The following STK4 variants were observed in gnomAD, a reference collection of about 807,000 sequenced individuals.
STK4 encodes serine/threonine kinase 4, also known as serine/threonine-protein kinase 4.
STK4 carries 30 observed loss-of-function variants against 64.9 expected under a neutral mutation model. The observed-to-expected ratio is 0.46, with a 90% CI of 0.35 to 0.63. The LOEUF is 0.63. Among genes scored for constraint, STK4 ranks in the 20% least tolerant of loss-of-function variants. The probability of loss-of-function intolerance (pLI) is 0.01; values close to 1 mark genes in which losing one functional copy is unlikely to be tolerated. For synonymous variants in STK4, 177 were observed against 199.0 expected, an observed-to-expected ratio of 0.89 and a Z score of 0.93; for missense variants, 466 against 598.5, an observed-to-expected ratio of 0.78 and a Z score of 2.31.
intron 1 of STK4, chr20:44,967,354 G>A (rs533315233): frequency 2.0e-5 from 10 of 505,496 alleles, no homozygotes; most frequent in African/African-American, 1.9e-4. Flanking sequence ...TCTTTACTCC[G>A]GGTCACTGAA....
chr20:45,038,240 G>C (rs369499260), intron 10 of STK4, among the ~76,000 whole-genome samples: 1 of 152,108 alleles, frequency 6.6e-6, no homozygotes, highest in East Asian at 1.9e-4. Flanking sequence ...CACACTGCTT[G>C]ATTGTTTTGA....
At chr20:44,997,349 C>G (rs1468592887) in intron 7 of STK4, 43 bp downstream of exon 7, 6 of 1,544,598 alleles carry the variant, frequency 3.9e-6, no homozygotes, top group Non-Finnish European at 5.2e-6. Context: ...ATTTCATTTA[C>G]TTGCTGACCA....
chr20:44,987,153 A>C lies in STK4; in HGVS notation c.382A>C (p.Thr128Pro), dbSNP rs764924378. The C allele has an allele frequency of 6.3e-7, 1 of 1,595,882 alleles. No individual in the cohort carries two copies. The highest frequency in any genetic ancestry group is 1.1e-5 in the South Asian group (1 of 87,948). Residue 128 changes from threonine (T) to proline (P), a missense_variant, in exon 5 of 11, where the codon ACA (threonine) becomes CCA (proline). Thr to Pro is a conservative substitution (Grantham distance 38, BLOSUM62 -1). This residue lies in a region of STK4 where 190 missense variants were observed against 289.7 expected (regional missense o/e 0.66). Transcript: ENST00000372806. ...NKTLTEDEIA[T>P]ILQSTLKGLE... is the part of the protein sequence containing the mutation. ...TCAGTTAACAGAAGATGAAATAGCTACAATATTACAATCAACTCTTAAGGG... is the reference window on the plus strand; with the variant it reads ...TCAGTTAACAGAAGATGAAATAGCTCCAATATTACAATCAACTCTTAAGGG...
intron 5 of STK4, among the ~76,000 whole-genome samples, chr20:44,994,275 A>G (rs1601223628): frequency 6.6e-6 from 1 of 151,266 alleles, no homozygotes; most frequent in African/African-American, 2.4e-5. Context: ...AGATATAATT[A>G]ATGGTTTGGT....
chr20:45,063,469 C>G (rs1401586746), intron 10 of STK4, among the ~76,000 whole-genome samples: 1 of 152,114 alleles, frequency 6.6e-6, no homozygotes, highest in East Asian at 1.9e-4. Flanking sequence ...CGTTTAAGTT[C>G]CTTGTGGATT....
chr20:45,071,761 A>T (rs1295510558), intron 10 of STK4, among the ~76,000 whole-genome samples: 1 of 152,106 alleles, frequency 6.6e-6, no homozygotes. Context: ...ATTTTAGTTT[A>T]TTTTTATTAT....
intron 10 of STK4, among the ~76,000 whole-genome samples, chr20:45,036,037 A>G (rs572856465): frequency 6.6e-6 from 1 of 152,328 alleles, no homozygotes; most frequent in South Asian, 2.1e-4. Flanking sequence ...ATTGTACAAC[A>G]TGGTAACTAG....
At chr20:45,016,915 A>G (rs1326378661) in intron 9 of STK4, among the ~76,000 whole-genome samples, 2 of 152,198 alleles carry the variant, frequency 1.3e-5, no homozygotes, top group Non-Finnish European at 2.9e-5. Context: ...AGTGGAATAT[A>G]TTATTTCTCT....
At chr20:45,030,271 A>G (rs1285291277) in intron 10 of STK4, among the ~76,000 whole-genome samples, 3 of 151,912 alleles carry the variant, frequency 2.0e-5, no homozygotes, top group Non-Finnish European at 4.4e-5. Flanking sequence ...ACACCCAGCT[A>G]ATTTTTGTAT....
chr20:45,075,281 A>C lies in STK4; in HGVS notation c.*105A>C, dbSNP rs1980425904. 2 of 1,445,612 alleles carry C rather than the reference A, an allele frequency of 1.4e-6. No homozygotes were observed. The highest frequency in any genetic ancestry group is 1.3e-5 in the South Asian group (1 of 75,564). The allele number at this position is 1,445,612 out of a possible 1,614,324, so 89.5% of individuals were successfully genotyped here. ...AGCACTTCTGCTCTGTCGTCTCTCCACAGCACCTTTGTGAACTCAGGAATG... is the reference window on the plus strand; with the variant it reads ...AGCACTTCTGCTCTGTCGTCTCTCCCCAGCACCTTTGTGAACTCAGGAATG... On this transcript the variant is annotated 3_prime_UTR_variant, in exon 11 of 11. Transcript: ENST00000372806.
At chr20:45,067,412 G>A (rs1979670122) in intron 10 of STK4, among the ~76,000 whole-genome samples, 1 of 152,216 alleles carries the variant, frequency 6.6e-6, no homozygotes, top group African/African-American at 2.4e-5. Flanking sequence ...GTCCTTAAAA[G>A]CTCTGGCAGG....
At chr20:45,006,581 G>T (rs1051570807) in intron 9 of STK4, among the ~76,000 whole-genome samples, 6 of 152,052 alleles carry the variant, frequency 3.9e-5, no homozygotes, top group African/African-American at 1.4e-4. Flanking sequence ...TTGAGCTTAT[G>T]TTTGGTGAGA....
At chr20:45,029,236 G>A (rs1332880022) in intron 10 of STK4, among the ~76,000 whole-genome samples, 2 of 152,048 alleles carry the variant, frequency 1.3e-5, no homozygotes, top group Admixed American at 6.6e-5. Flanking sequence ...CCCTCTTTAG[G>A]TATGACCTCT....
At chr20:45,025,155 T>C in intron 10 of STK4, 25 bp downstream of exon 10, 1 of 1,591,014 alleles carries the variant, frequency 6.3e-7, no homozygotes, top group Non-Finnish European at 8.5e-7. Flanking sequence ...AAGTAAATGG[T>C]TATGTCTTCA....
intron 1 of STK4, chr20:44,967,194 A>G: frequency 3.0e-6 from 3 of 985,394 alleles, no homozygotes; most frequent in Non-Finnish European, 1.2e-6. Context: ...GTAGGATGGC[A>G]TCTTTTATTA....
rs1980647543 is a variant in STK4 at position 45,078,036 on chromosome 20, T to G, written c.*2860T>G. 1 of 152,140 alleles carries G rather than the reference T, an allele frequency of 6.6e-6. No individual in the cohort carries two copies. The highest frequency in any genetic ancestry group is 2.1e-4 in the South Asian group (1 of 4,832). 9.4% of individuals were successfully genotyped at this position (152,140 alleles called of 1,614,324 possible). On this transcript the variant is annotated 3_prime_UTR_variant, in exon 11 of 11. Coordinates refer to ENST00000372806, the MANE Select transcript of STK4 (RefSeq NM_006282.5). Reference sequence around the variant, plus strand: ...TTGTTGTTGTTGTTGAATACTAAATTTAAGATATGTCAGCTTGCTTTCAAT... The same window carrying G: ...TTGTTGTTGTTGTTGAATACTAAATGTAAGATATGTCAGCTTGCTTTCAAT...
chr20:45,040,383 G>A (rs1324602352), intron 10 of STK4, among the ~76,000 whole-genome samples: 1 of 152,022 alleles, frequency 6.6e-6, no homozygotes, highest in Non-Finnish European at 1.5e-5. Context: ...GATATAACCA[G>A]GGATTTTTTT....
intron 10 of STK4, among the ~76,000 whole-genome samples, chr20:45,051,562 C>G (rs1159092220): frequency 1.3e-5 from 2 of 152,142 alleles, no homozygotes; most frequent in African/African-American, 4.8e-5. Context: ...TGGGATTTAG[C>G]TGTGGGTTGA....
chr20:45,006,081 A>AT lies in STK4; in HGVS notation c.1147+4738dup, dbSNP rs943982064. Among the ~76,000 whole-genome samples, 98 of 139,970 alleles carry AT rather than the reference A, an allele frequency of 7.0e-4. 1 individual carries two copies. The highest frequency in any genetic ancestry group is 2.5e-3 in the Admixed American group (35 of 14,184). 91.8% of individuals were successfully genotyped at this position (139,970 alleles called of 152,430 possible). A position where few individuals can be genotyped will look rare whatever the true frequency, so the allele number is the denominator to read the frequency against. On this transcript the variant is annotated intron_variant, in intron 9 of 10. Transcript: ENST00000372806. ...TTTTAACTTATTGTCTCTATGTTGG[A>AT]TTTTTTTTTTCCTTCTAATTCTGCT...
Sources: gnomAD v4.1 joint callset for allele counts (sites outside exome capture counted in the v4.1 genomes callset) on GRCh38, gnomAD v4.1.1 for gene constraint, gnomAD v4.1.1 regional missense constraint, MANE v1.5 for transcripts, NCBI Gene and HGNC (gene_info 2026-07-23, HGNC 2026-07-21) for gene names.